The following RBFOX1 variants were observed in gnomAD, a reference collection of about 807,000 sequenced individuals.
The protein encoded by RBFOX1 is RNA binding fox-1 homolog 1.
Under a neutral mutation model 57.7 loss-of-function variants are expected in RBFOX1, and 8 were observed. The ratio of observed to expected loss-of-function variants is 0.14; its 90% CI spans 0.08 to 0.25. The LOEUF is 0.25. RBFOX1 is among the 10% of genes least tolerant of loss of function. The pLI is 1.00. For missense variants in RBFOX1, 611 were observed against 548.5 expected (o/e 1.11, Z -1.14); for synonymous variants, 326 against 222.4 (o/e 1.47, Z -4.15).
chr16:6,899,184 T>A lies in RBFOX1; in HGVS notation c.-15-152873T>A, dbSNP rs574547159. 6.5e-3 allele frequency among the ~76,000 whole-genome samples: 673 copies of A among 103,292 alleles called. 20 individuals are homozygous for A. Among genetic ancestry groups the A allele is most frequent in the Admixed American group, 0.051 (558 of 10,858 alleles). The allele number at this position is 103,292 out of a possible 152,430, so 67.8% of individuals were successfully genotyped here. A position where few individuals can be genotyped will look rare whatever the true frequency, so the allele number is the denominator to read the frequency against. On this transcript the variant is annotated intron_variant, in intron 3 of 15. Coordinates refer to ENST00000550418, the MANE Select transcript of RBFOX1 (RefSeq NM_018723.4). Reference sequence around the variant, plus strand: ...AACATGTGTATGTGTGTGTATAATATGTGTGTGAGTGCATATGTGTGTATA... The same window carrying A: ...AACATGTGTATGTGTGTGTATAATAAGTGTGTGAGTGCATATGTGTGTATA...
intron 8 of RBFOX1, 97 bp downstream of exon 8, chr16:7,595,738 A>G (rs2094650605): frequency 2.6e-6 from 2 of 783,196 alleles, no homozygotes; most frequent in East Asian, 7.0e-5. Context: ...CTTGTATGTG[A>G]CCCTATTCCC....
At chr16:6,167,367 G>C (rs752224899) in intron 1 of RBFOX1, among the ~76,000 whole-genome samples, 1 of 152,146 alleles carries the variant, frequency 6.6e-6, no homozygotes, top group African/African-American at 2.4e-5. Flanking sequence ...GCTTGCCTTC[G>C]ATTTTAAGCT....
At chr16:5,604,234 G>A (rs898715895), downstream of RBFOX1, among the ~76,000 whole-genome samples, 2 of 152,176 alleles carry the variant, frequency 1.3e-5, no homozygotes, top group South Asian at 2.1e-4. Context: ...GAGACTAAGT[G>A]GCTTCAAACA....
intron 1 of RBFOX1, among the ~76,000 whole-genome samples, chr16:5,340,582 C>G (rs943427587): frequency 6.6e-6 from 1 of 152,128 alleles, no homozygotes; most frequent in African/African-American, 2.4e-5. Flanking sequence ...TTGGATGGAA[C>G]TGAGCTTAGT....
intron 1 of RBFOX1, among the ~76,000 whole-genome samples, chr16:5,334,303 T>G (rs2064841916): frequency 6.6e-6 from 1 of 152,212 alleles, no homozygotes; most frequent in African/African-American, 2.4e-5. Context: ...TTGTGGTTTA[T>G]GGTCATGCCG....
At chr16:6,244,007 C>T (rs1210220503) in intron 1 of RBFOX1, among the ~76,000 whole-genome samples, 1 of 152,124 alleles carries the variant, frequency 6.6e-6, no homozygotes, top group African/African-American at 2.4e-5. Context: ...GTTGGATTTT[C>T]TTGCACATTA....
chr16:6,186,822 G>A (rs79838320), intron 1 of RBFOX1, among the ~76,000 whole-genome samples: 3,111 of 152,226 alleles, frequency 0.02, 110 homozygotes, highest in African/African-American at 0.071. Context: ...CCTCCATGTG[G>A]GCAGTATTGG....
chr16:6,844,560 C>G (rs1433284321), intron 3 of RBFOX1, among the ~76,000 whole-genome samples: 3 of 149,422 alleles, frequency 2.0e-5, no homozygotes, highest in Non-Finnish European at 4.5e-5. Context: ...ATATGTACGA[C>G]TTTTTTTTTT....
intron 4 of RBFOX1, among the ~76,000 whole-genome samples, chr16:7,310,970 G>A (rs984969684): frequency 6.6e-6 from 1 of 152,204 alleles, no homozygotes; most frequent in African/African-American, 2.4e-5. Context: ...CGCTTGGCCT[G>A]CTGGATTGCC....
intron 3 of RBFOX1, among the ~76,000 whole-genome samples, chr16:6,935,793 A>G (rs746391600): frequency 3.3e-5 from 5 of 152,214 alleles, no homozygotes; most frequent in Non-Finnish European, 5.9e-5. Context: ...TGTCAAGCAC[A>G]GAGCATGCAT....
chr16:7,648,654 T>A (rs982509179), intron 11 of RBFOX1, among the ~76,000 whole-genome samples: 3 of 152,212 alleles, frequency 2.0e-5, no homozygotes, highest in African/African-American at 7.2e-5. Flanking sequence ...CAGGGACTGT[T>A]GTTGCTGGGT....
intron 4 of RBFOX1, among the ~76,000 whole-genome samples, chr16:7,313,809 T>C (rs1310526662): frequency 6.6e-6 from 1 of 152,132 alleles, no homozygotes. Context: ...CAGACACTTT[T>C]GCCCCAGAAC....
intron 4 of RBFOX1, among the ~76,000 whole-genome samples, chr16:7,105,395 G>A (rs978172046): frequency 4.0e-5 from 6 of 150,918 alleles, no homozygotes; most frequent in Non-Finnish European, 7.4e-5. Flanking sequence ...AAGTTCTTCA[G>A]TGGTGATTTG....
chr16:6,609,823 C>T (rs79014775), intron 2 of RBFOX1, among the ~76,000 whole-genome samples: 30 of 152,176 alleles, frequency 2.0e-4, no homozygotes, highest in Non-Finnish European at 3.5e-4. Context: ...TCCTGGCCAA[C>T]ATGGTGAAAC....
intron 1 of RBFOX1, among the ~76,000 whole-genome samples, chr16:6,264,414 C>A (rs563717303): frequency 6.6e-6 from 1 of 152,170 alleles, no homozygotes; most frequent in Non-Finnish European, 1.5e-5. Flanking sequence ...TTATACTGTT[C>A]TCTTGTTGGA....
At chr16:6,768,480 A>G (rs2077734815) in intron 3 of RBFOX1, among the ~76,000 whole-genome samples, 1 of 151,928 alleles carries the variant, frequency 6.6e-6, no homozygotes, top group South Asian at 2.1e-4. Flanking sequence ...AGCCTTCTAA[A>G]TGTACTTCCC....
intron 7 of RBFOX1, among the ~76,000 whole-genome samples, chr16:7,593,284 A>C (rs1259790786): frequency 6.6e-6 from 1 of 152,180 alleles, no homozygotes; most frequent in Non-Finnish European, 1.5e-5. Flanking sequence ...ATGTCCTCCC[A>C]AGTTCCTTCT....
chr16:5,672,448 C>A (rs889751616), intron 3 of RBFOX1, among the ~76,000 whole-genome samples: 4 of 152,140 alleles, frequency 2.6e-5, no homozygotes, highest in Non-Finnish European at 5.9e-5. Context: ...TTCTGCTATG[C>A]TGAACCTTTG....
chr16:7,353,863 A>T (rs2097169535), intron 4 of RBFOX1, among the ~76,000 whole-genome samples: 1 of 152,182 alleles, frequency 6.6e-6, no homozygotes, highest in Non-Finnish European at 1.5e-5. Context: ...GGTGATGAAA[A>T]TGTTCTGGAA....
Sources: gnomAD v4.1 joint callset for allele counts (sites outside exome capture counted in the v4.1 genomes callset) on GRCh38, gnomAD v4.1.1 for gene constraint, MANE v1.5 for transcripts, NCBI Gene and HGNC (gene_info 2026-07-23, HGNC 2026-07-21) for gene names.